Variants in KMT2E observed in about 807,000 individuals in gnomAD.
The protein encoded by KMT2E is lysine methyltransferase 2E (inactive).
In KMT2E, 30 loss-of-function variants were observed where a neutral mutation model predicts 184.6. That is an observed-to-expected ratio of 0.16 (90% CI 0.12 to 0.22). KMT2E has a LOEUF of 0.22. KMT2E is among the 10% of genes least tolerant of loss of function. KMT2E has a pLI of 1.00. For synonymous variants in KMT2E, 815 were observed against 776.5 expected, an observed-to-expected ratio of 1.05 and a Z score of -0.82; for missense variants, 2,023 against 2,237.4, an observed-to-expected ratio of 0.90 and a Z score of 1.93.
At chr7:105,061,720 A>G (rs1230221643) in intron 3 of KMT2E, among the ~76,000 whole-genome samples, 1 of 152,112 alleles carries the variant, frequency 6.6e-6, no homozygotes, top group East Asian at 1.9e-4. Context: ...GCTTTATTAT[A>G]TTAATATCTG....
At chr7:105,094,959 C>G (rs1288481792) in intron 15 of KMT2E, among the ~76,000 whole-genome samples, 1 of 152,158 alleles carries the variant, frequency 6.6e-6, no homozygotes, top group African/African-American at 2.4e-5. Flanking sequence ...GTACTTCACC[C>G]TATCCTTTTG....
At chr7:105,075,237 C>A (rs775103581) in intron 8 of KMT2E, among the ~76,000 whole-genome samples, 60 of 150,378 alleles carry the variant, frequency 4.0e-4, no homozygotes, top group Non-Finnish European at 7.5e-4. Flanking sequence ...ATTGTCTACA[C>A]ACAAATTTAT....
chr7:105,068,605 C>T (rs1797143342), intron 6 of KMT2E, among the ~76,000 whole-genome samples: 1 of 150,426 alleles, frequency 6.6e-6, no homozygotes. Flanking sequence ...GGCATCGCCA[C>T]CATGCCTGAC....
In KMT2E at chr7:105,106,803, C is replaced by A. The variant is rs201929047; in HGVS notation, c.2847+31C>A. 1.9e-6 allele frequency: 3 copies of A among 1,602,864 alleles called. No individual in the cohort carries two copies. In the South Asian group the frequency reaches 3.3e-5, roughly 18 times the overall value. ...AAATTTTAATGGAGAAAAAAAAATT[C>A]AACACTTGGGGGGATGGAATTTCTT... On this transcript the variant is annotated intron_variant, in intron 20 of 26. Transcript: ENST00000311117.
intron 3 of KMT2E, among the ~76,000 whole-genome samples, chr7:105,060,836 C>T: frequency 6.6e-6 from 1 of 152,206 alleles, no homozygotes; most frequent in African/African-American, 2.4e-5. Context: ...CAGCGCATAA[C>T]ATGCTGTATA....
intron 6 of KMT2E, among the ~76,000 whole-genome samples, chr7:105,068,623 G>GTTTTTTTT (rs1562904316): frequency 1.5e-5 from 2 of 134,860 alleles, no homozygotes; most frequent in African/African-American, 6.2e-5. Flanking sequence ...GACTAGTTGT[G>GTTTTTTTT]GTTTTTTTTT....
At chr7:105,025,387 T>C (rs1461867661) in intron 1 of KMT2E, among the ~76,000 whole-genome samples, 1 of 152,160 alleles carries the variant, frequency 6.6e-6, no homozygotes, top group Non-Finnish European at 1.5e-5. Flanking sequence ...TCTGTGATAG[T>C]TGTTTCTGGA....
chr7:105,064,164 G>GTTTTTTTTTTTTTTTTTTTTTTTT (rs66946883), intron 5 of KMT2E: 1 of 74,154 alleles, frequency 1.3e-5, no homozygotes, highest in Non-Finnish European at 2.4e-5. Context: ...TTTTTTCTTG[G>GTTTTTTTTTTTTTTTTTTTTTTTT]TTTTTTTTTT....
At chr7:105,063,744 AAG>A (rs1175625406) in intron 5 of KMT2E, 164 bp downstream of exon 5, 14 of 574,954 alleles carry the variant, frequency 2.4e-5, no homozygotes, top group South Asian at 2.1e-4. Context: ...TATGTGAAAA[AAG>A]AGTTTACTAG....
In KMT2E at chr7:105,109,156, C is replaced by A; in HGVS notation, c.3683C>A (p.Ser1228Tyr). 6.2e-7 allele frequency: 1 copy of A among 1,614,170 alleles called. No individual in the cohort carries two copies. The stretch of plus-strand genomic sequence containing the variant: ...CCAGCTACAGTTTATAATGCCACTT[C>A]TGAAGAAACTAGCAATAACTGCCCT... The part of the protein sequence containing the change: ...PTPATVYNAT[S>Y]EETSNNCPVK... The change falls in exon 23 of 27, where the codon TCT becomes TAT. Residue 1228 changes from serine (S) to tyrosine (Y), a missense_variant. Ser to Tyr is a moderately radical substitution (Grantham distance 144). Coordinates refer to ENST00000311117, the MANE Select transcript of KMT2E (RefSeq NM_182931.3).
intron 3 of KMT2E, among the ~76,000 whole-genome samples, chr7:105,046,042 C>G (rs1796086430): frequency 6.6e-6 from 1 of 152,026 alleles, no homozygotes; most frequent in African/African-American, 2.4e-5. Flanking sequence ...TCATGACTTC[C>G]AAATCATCCT....
At chr7:105,068,218 G>A (rs1202194454) in intron 6 of KMT2E, among the ~76,000 whole-genome samples, 1 of 151,854 alleles carries the variant, frequency 6.6e-6, no homozygotes, top group South Asian at 2.1e-4. Context: ...TCTGTAAGAA[G>A]GTGTTTATGT....
At chr7:105,091,833 TC>T (rs1447011407) in intron 15 of KMT2E, among the ~76,000 whole-genome samples, 1 of 152,160 alleles carries the variant, frequency 6.6e-6, no homozygotes, top group Non-Finnish European at 1.5e-5. Flanking sequence ...TATTTACAAA[TC>T]TTTTATCTGT....
chr7:105,024,377 C>G (rs1257981975), intron 1 of KMT2E, among the ~76,000 whole-genome samples: 1 of 152,156 alleles, frequency 6.6e-6, no homozygotes, highest in African/African-American at 2.4e-5. Flanking sequence ...GGTACAAAAA[C>G]AAGCCCCATG....
intron 3 of KMT2E, among the ~76,000 whole-genome samples, chr7:105,044,176 A>C (rs1291872479): frequency 6.6e-6 from 1 of 152,192 alleles, no homozygotes; most frequent in African/African-American, 2.4e-5. Context: ...AAGCAATGAA[A>C]ATTAAAGTGG....
In KMT2E at chr7:105,075,916, G is replaced by A. The variant is rs560482076; in HGVS notation, c.730-127G>A. 36 of 686,720 alleles carry A rather than the reference G, an allele frequency of 5.2e-5. No homozygotes were observed. In the East Asian group the frequency reaches 9.4e-4, roughly 18 times the overall value. The allele number at this position is 686,720 out of a possible 1,614,324, so 42.5% of individuals were successfully genotyped here. A position where few individuals can be genotyped will look rare whatever the true frequency, so the allele number is the denominator to read the frequency against. On this transcript the variant is annotated intron_variant, in intron 8 of 26. Coordinates refer to ENST00000311117, the MANE Select transcript of KMT2E (RefSeq NM_182931.3). ...TTTATTAAACATTCTCCTAGTGTCA[G>A]CTTTCTTGGTTACCAAATTTTTTGT...
chr7:105,030,750 G>C (rs1229755225), intron 1 of KMT2E, among the ~76,000 whole-genome samples: 1 of 152,070 alleles, frequency 6.6e-6, no homozygotes, highest in Non-Finnish European at 1.5e-5. Context: ...CCTATCCCCA[G>C]GTATATGAAA....
chr7:105,052,597 C>T (rs935967946), intron 3 of KMT2E, among the ~76,000 whole-genome samples: 3 of 151,848 alleles, frequency 2.0e-5, no homozygotes, highest in Admixed American at 6.6e-5. Context: ...CTCACTCTGT[C>T]GCCCAGGCTA....
rs67291226 is a variant in KMT2E at position 105,059,978 on chromosome 7, G to GTTTTTTTTTTTTTTTTTTTTTTTTTTTT, written c.72-2180_72-2153dup. ...GCTGAATATTGATTTTCTTGTTGTT[G>GTTTTTTTTTTTTTTTTTTTTTTTTTTTT]TTTTTTTTTTTTTTTTTTTTTTTTT... On this transcript the variant is annotated intron_variant, in intron 3 of 26. Coordinates refer to ENST00000311117, the MANE Select transcript of KMT2E (RefSeq NM_182931.3). Among the ~76,000 whole-genome samples the GTTTTTTTTTTTTTTTTTTTTTTTTTTTT allele has an allele frequency of 9.7e-5, 5 of 51,764 alleles. 2 individuals are homozygous for GTTTTTTTTTTTTTTTTTTTTTTTTTTTT. The highest frequency in any genetic ancestry group is 2.3e-4 in the African/African-American group (4 of 17,166). 34.0% of individuals were successfully genotyped at this position (51,764 alleles called of 152,430 possible).
Sources: allele counts gnomAD v4.1 joint callset (sites outside exome capture counted in the v4.1 genomes callset), GRCh38; gene constraint gnomAD v4.1.1; transcripts MANE v1.5; gene names NCBI Gene and HGNC (gene_info 2026-07-23, HGNC 2026-07-21).